Variants in ATAD2B observed in about 807,000 individuals in gnomAD.
ATAD2B encodes ATPase family AAA domain containing 2B, also known as ATPase family AAA domain-containing protein 2B.
Under a neutral mutation model 167.6 loss-of-function variants are expected in ATAD2B, and 40 were observed. That is an observed-to-expected ratio of 0.24 (90% CI 0.19 to 0.31). The LOEUF (loss-of-function observed/expected upper bound fraction) is 0.31. Among genes scored for constraint, ATAD2B ranks in the 10% least tolerant of loss-of-function variants. The probability of loss-of-function intolerance (pLI) is 1.00; values close to 1 mark genes in which losing one functional copy is unlikely to be tolerated. For missense variants in ATAD2B, 1,242 were observed against 1,757.2 expected, an observed-to-expected ratio of 0.71 and a Z score of 5.24; for synonymous variants, 579 against 596.5, an observed-to-expected ratio of 0.97 and a Z score of 0.43.
intron 7 of ATAD2B, among the ~76,000 whole-genome samples, chr2:23,878,572 T>C (rs888430486): frequency 6.6e-6 from 1 of 151,842 alleles, no homozygotes; most frequent in African/African-American, 2.4e-5. Context: ...GGCAGGAGAA[T>C]GGCATGAACC....
chr2:23,686,878 A>T, the ATAD2B span, among the ~76,000 whole-genome samples: 2 of 152,182 alleles, frequency 1.3e-5, no homozygotes, highest in Non-Finnish European at 2.9e-5. Context: ...TGTGGCTGAA[A>T]GTCGCCGTGT....
chr2:23,744,090 T>C (rs945259580), downstream of ATAD2B, among the ~76,000 whole-genome samples: 2 of 152,110 alleles, frequency 1.3e-5, no homozygotes, highest in African/African-American at 4.8e-5. Context: ...ACCAAAATTA[T>C]AAACAACTGG....
chr2:23,891,312 G>A lies in ATAD2B; in HGVS notation c.369-2913C>T, dbSNP rs112228331. ...TAAGATTACAGGCGTAAGCCACCAC[G>A]CCCAGCCTACACTGAGATTTTGTAA... On this transcript the variant is annotated intron_variant, in intron 2 of 27. Coordinates refer to ENST00000238789, the MANE Select transcript of ATAD2B (RefSeq NM_017552.4). Among the ~76,000 whole-genome samples, 693 of 152,026 alleles carry A rather than the reference G, an allele frequency of 4.6e-3. 9 individuals carry two copies. Among genetic ancestry groups the A allele is most frequent in the African/African-American group, 0.014 (596 of 41,466 alleles).
At chr2:23,789,574 T>C (rs1199544376) in intron 19 of ATAD2B, among the ~76,000 whole-genome samples, 1 of 152,110 alleles carries the variant, frequency 6.6e-6, no homozygotes, top group Admixed American at 6.6e-5. Context: ...AGGGAGAAAG[T>C]CACCAGTATG....
At chr2:23,891,221 TG>T (rs1558745186) in intron 2 of ATAD2B, among the ~76,000 whole-genome samples, 2 of 152,112 alleles carry the variant, frequency 1.3e-5, no homozygotes, top group African/African-American at 2.4e-5. Context: ...GGTTTCACCA[TG>T]TTGGCCAGGC....
downstream of ATAD2B, among the ~76,000 whole-genome samples, chr2:23,746,627 G>C (rs1674897122): frequency 6.6e-6 from 1 of 152,166 alleles, no homozygotes; most frequent in South Asian, 2.1e-4. Context: ...CAGGAATGGA[G>C]AAAGGGTGAT....
At chr2:23,855,022 C>T (rs898017061) in intron 13 of ATAD2B, among the ~76,000 whole-genome samples, 1 of 152,136 alleles carries the variant, frequency 6.6e-6, no homozygotes. Context: ...TGGCAAAACC[C>T]TGTCTCTACT....
intron 13 of ATAD2B, among the ~76,000 whole-genome samples, chr2:23,851,363 A>C (rs1692534182): frequency 6.6e-6 from 1 of 152,182 alleles, no homozygotes; most frequent in Non-Finnish European, 1.5e-5. Flanking sequence ...CTGGTCTCAA[A>C]CTGCTGAGCT....
chr2:23,751,897 GCACCAAATT>G lies in ATAD2B; in HGVS notation c.*140_*148del. On this transcript the variant is annotated 3_prime_UTR_variant, in exon 28 of 28. Coordinates refer to ENST00000238789, the MANE Select transcript of ATAD2B (RefSeq NM_017552.4). ...TTGGTTTCAGGTACCTGAGACAATAGCACCAAATTCAACAGAGAGAAAGAATGAGTGAGA... is the reference window on the plus strand; with the variant it reads ...TTGGTTTCAGGTACCTGAGACAATAGCAACAGAGAGAAAGAATGAGTGAGA... 1 of 670,918 alleles carries G rather than the reference GCACCAAATT, an allele frequency of 1.5e-6. No individual in the cohort carries two copies. The highest frequency in any genetic ancestry group is 2.6e-6 in the Non-Finnish European group (1 of 390,376). 41.6% of individuals were successfully genotyped at this position (670,918 alleles called of 1,614,324 possible). A position where few individuals can be genotyped will look rare whatever the true frequency, so the allele number is the denominator to read the frequency against.
At position 23,864,829 on chromosome 2, in the gene ATAD2B, C is replaced by G. The variant is rs1430044460; in HGVS notation, c.1284G>C (p.Lys428Asn). Residue 428 changes from lysine (K) to asparagine (N), a missense_variant, in exon 11 of 28, where the codon AAG becomes AAC. Coordinates refer to ENST00000238789, the MANE Select transcript of ATAD2B (RefSeq NM_017552.4). ...CTTACCTTGGAGGCTGAATTTTAAA[C>G]TTTTCAAAAATTTCTGGATATAAAA... ...FPLLYPEIFE[K>N]FKIQPPRGCL... 6.3e-7 allele frequency: 1 copy of G among 1,581,318 alleles called. No individual in the cohort carries two copies. Among genetic ancestry groups the G allele is most frequent in the Non-Finnish European group, 8.6e-7 (1 of 1,162,962 alleles).
At chr2:23,784,029 C>CT (rs1037425634) in intron 21 of ATAD2B, among the ~76,000 whole-genome samples, 13 of 151,844 alleles carry the variant, frequency 8.6e-5, no homozygotes, top group Non-Finnish European at 1.6e-4. Flanking sequence ...TATTTTTCAC[C>CT]TTTTAGGAAC....
the ATAD2B span, among the ~76,000 whole-genome samples, chr2:23,714,895 CAGAAGGAATA>C: frequency 6.6e-6 from 1 of 151,806 alleles, no homozygotes; most frequent in East Asian, 1.9e-4. Context: ...TATATGGTAG[CAGAAGGAATA>C]AGATTGATAT....
At chr2:23,797,173 T>C (rs1296804606) in intron 19 of ATAD2B, among the ~76,000 whole-genome samples, 1 of 152,170 alleles carries the variant, frequency 6.6e-6, no homozygotes, top group Non-Finnish European at 1.5e-5. Context: ...TCAAGATTTA[T>C]ATTATAGCAC....
rs796318753 is a variant in ATAD2B, at chr2:23,787,043, A to AG, written c.2777-821dup. On this transcript the variant is annotated intron_variant, in intron 20 of 27. Transcript: ENST00000238789. ...TAGTGAATGGCACCTGCAGGAAGGGAGGGAAAAAAAAAAAAAGGAACTAAA... is the reference window on the plus strand; with the variant it reads ...TAGTGAATGGCACCTGCAGGAAGGGAGGGGAAAAAAAAAAAAAGGAACTAAA... Among the ~76,000 whole-genome samples the AG allele has an allele frequency of 1.6e-4, 23 of 143,230 alleles. No individual in the cohort carries two copies. The South Asian group carries it at 2.9e-3, about 18-fold the overall frequency. The allele number at this position is 143,230 out of a possible 152,430, so 94.0% of individuals were successfully genotyped here. A position where few individuals can be genotyped will look rare whatever the true frequency, so the allele number is the denominator to read the frequency against.
chr2:23,768,620 T>C (rs745550263), intron 22 of ATAD2B, among the ~76,000 whole-genome samples: 1 of 152,064 alleles, frequency 6.6e-6, no homozygotes, highest in Non-Finnish European at 1.5e-5. Context: ...CAAAAGTTTC[T>C]TGTGACCCTT....
At chr2:23,798,344 A>T (rs1682920862) in intron 18 of ATAD2B, 21 bp from the exon 19 acceptor site, 1 of 1,535,874 alleles carries the variant, frequency 6.5e-7, no homozygotes, top group Non-Finnish European at 8.9e-7. Context: ...AAAAAAACCA[A>T]CATTAAACAA....
At chr2:23,714,506 C>T in the ATAD2B span, among the ~76,000 whole-genome samples, 28 of 149,802 alleles carry the variant, frequency 1.9e-4, no homozygotes, top group African/African-American at 6.8e-4. Context: ...TCCCAAAGTG[C>T]TGGGATTACA....
chr2:23,730,898 T>C, the ATAD2B span, among the ~76,000 whole-genome samples: 1 of 151,646 alleles, frequency 6.6e-6, no homozygotes, highest in East Asian at 1.9e-4. Context: ...TCCTAGTTTT[T>C]TTGAAAAGAT....
In ATAD2B at chr2:23,869,781, T is replaced by A. The variant is rs1367536042; in HGVS notation, c.978-20A>T. ...TTTCTCCTATTTAAAGAGAGTAAAA[T>A]CCTTAAAACCATTATAATAGCAAAC... On this transcript the variant is annotated intron_variant, in intron 8 of 27. Transcript: ENST00000238789. 1 of 1,497,684 alleles carries A rather than the reference T, an allele frequency of 6.7e-7. No individual in the cohort carries two copies. The highest frequency in any genetic ancestry group is 2.0e-5 in the Admixed American group (1 of 49,586). The allele number at this position is 1,497,684 out of a possible 1,614,324, so 92.8% of individuals were successfully genotyped here.
Sources: allele counts gnomAD v4.1 joint callset (sites outside exome capture counted in the v4.1 genomes callset), GRCh38; gene constraint gnomAD v4.1.1; transcripts MANE v1.5; gene names NCBI Gene and HGNC (gene_info 2026-07-23, HGNC 2026-07-21).